Variants in SSBP3 observed in about 807,000 individuals in gnomAD.
The protein encoded by SSBP3 is single stranded DNA binding protein 3.
In SSBP3, 5 loss-of-function variants were observed where a neutral mutation model predicts 69.6. That is an observed-to-expected ratio of 0.07 (90% CI 0.04 to 0.15). The LOEUF (loss-of-function observed/expected upper bound fraction) is 0.15, where lower values mean the gene tolerates loss of function less well. SSBP3 is among the 10% of genes least tolerant of loss of function. The pLI, the probability that SSBP3 is intolerant of heterozygous loss-of-function variation, is 1.00. For synonymous variants in SSBP3, 196 were observed against 193.4 expected, an observed-to-expected ratio of 1.01 and a Z score of -0.11; for missense variants, 312 against 534.0, an observed-to-expected ratio of 0.58 and a Z score of 4.10.
intron 4 of SSBP3, among the ~76,000 whole-genome samples, chr1:54,332,399 G>C (rs1194138376): frequency 2.0e-5 from 3 of 152,150 alleles, no homozygotes; most frequent in Admixed American, 6.5e-5. Flanking sequence ...GATGATGTGG[G>C]ATCTGGAGCC....
chr1:54,332,735 G>A (rs1396396656), intron 4 of SSBP3, among the ~76,000 whole-genome samples: 1 of 150,682 alleles, frequency 6.6e-6, no homozygotes, highest in Admixed American at 6.6e-5. Context: ...GGCTTAGGGA[G>A]AAAGATAAAA....
intron 5 of SSBP3, among the ~76,000 whole-genome samples, chr1:54,269,883 G>A (rs963735343): frequency 2.0e-5 from 3 of 152,238 alleles, no homozygotes; most frequent in African/African-American, 7.2e-5. Context: ...GCACCTGACA[G>A]AGGAGAATGA....
At chr1:54,299,377 TC>T (rs1443173414) in intron 4 of SSBP3, among the ~76,000 whole-genome samples, 1 of 152,018 alleles carries the variant, frequency 6.6e-6, no homozygotes, top group East Asian at 1.9e-4. Flanking sequence ...GGTCCGATGT[TC>T]CCCTACCCTC....
At chr1:54,259,123 AC>A (rs1293929820) in intron 5 of SSBP3, among the ~76,000 whole-genome samples, 1 of 139,984 alleles carries the variant, frequency 7.1e-6, no homozygotes, top group Non-Finnish European at 1.6e-5. Flanking sequence ...GCTGACCCCC[AC>A]CCCCACCGCC....
intron 4 of SSBP3, among the ~76,000 whole-genome samples, chr1:54,380,929 G>T (rs995339865): frequency 1.3e-5 from 2 of 151,768 alleles, no homozygotes; most frequent in African/African-American, 2.4e-5. Flanking sequence ...GAGACCAGCC[G>T]GGAAAAACAC....
At chr1:54,400,488 G>A (rs1356732704) in intron 4 of SSBP3, among the ~76,000 whole-genome samples, 1 of 152,158 alleles carries the variant, frequency 6.6e-6, no homozygotes, top group Non-Finnish European at 1.5e-5. Context: ...TCATCACCAT[G>A]GGATTTTCCC....
rs144800831 is a variant in SSBP3, at chr1:54,244,185, C to A, written c.652-886G>T. ...GTGGCATGATCTCGGTTCACTGCAA[C>A]CTCCACCTCCCAGGTTCAAGCGATT... On this transcript the variant is annotated intron_variant, in intron 9 of 17. Transcript: ENST00000610401. Among the ~76,000 whole-genome samples the A allele has an allele frequency of 2.9e-3, 447 of 152,194 alleles. 4 individuals are homozygous for A. The highest frequency in any genetic ancestry group is 9.5e-3 in the African/African-American group (393 of 41,510).
At position 54,398,916 on chromosome 1, in the gene SSBP3, G is replaced by C. The variant is rs1353678759; in HGVS notation, c.276+2945C>G. Among the ~76,000 whole-genome samples, 3 of 152,120 alleles carry C rather than the reference G, an allele frequency of 2.0e-5. No homozygotes were observed. The East Asian group carries it at 5.8e-4, about 29-fold the overall frequency. On this transcript the variant is annotated intron_variant, in intron 4 of 17. Coordinates refer to ENST00000610401, the Ensembl canonical transcript of SSBP3. ...ACCCTGAGAATCTTTGGATCTCCTT[G>C]ATAGAAAACAGAAGGTCAGTCAACA...
At chr1:54,281,613 T>C in intron 4 of SSBP3, 86 bp from the exon 5 acceptor site, 1 of 1,227,928 alleles carries the variant, frequency 8.1e-7, no homozygotes, top group East Asian at 2.5e-5. Context: ...GCTCTCCCTG[T>C]CCGTCCACAT....
intron 4 of SSBP3, among the ~76,000 whole-genome samples, chr1:54,289,052 A>AC (rs1250918425): frequency 7.8e-6 from 1 of 127,706 alleles, no homozygotes; most frequent in South Asian, 2.4e-4. Flanking sequence ...AAACAAAAAA[A>AC]AAAAACAGTA....
chr1:54,368,785 A>T lies in SSBP3; in HGVS notation c.276+33076T>A, dbSNP rs1647071664. ...GAAGAGCTGGGAAAGCTGATAGACT[A>T]AAAAGCACCCTGGATATGGCAGGGA... On this transcript the variant is annotated intron_variant, in intron 4 of 17. Transcript: ENST00000610401. 3.3e-5 allele frequency among the ~76,000 whole-genome samples: 5 copies of T among 152,218 alleles called. No homozygotes were observed. The South Asian group carries it at 1.0e-3, about 32-fold the overall frequency.
In SSBP3 at chr1:54,258,658, G is replaced by C. The variant is rs1189562097; in HGVS notation, c.367-509C>G. Among the ~76,000 whole-genome samples, 2 of 152,182 alleles carry C rather than the reference G, an allele frequency of 1.3e-5. No homozygotes were observed. The highest frequency in any genetic ancestry group is 4.8e-5 in the African/African-American group (2 of 41,440). ...TGACTCGAGGCAGTACTGATCAAGT[G>C]TCAGGGAGAGGCCCAGGCGACGGGT... is the stretch of plus-strand genomic sequence containing the variant. On this transcript the variant is annotated intron_variant, in intron 5 of 17. Coordinates refer to ENST00000610401, the Ensembl canonical transcript of SSBP3. The surrounding 1 kb of genome is among the most constrained non-coding windows in gnomAD (Gnocchi z 4.5).
At chr1:54,396,906 G>A (rs1406439627) in intron 4 of SSBP3, among the ~76,000 whole-genome samples, 3 of 152,180 alleles carry the variant, frequency 2.0e-5, no homozygotes, top group Non-Finnish European at 4.4e-5. Context: ...CTGCTCGGGT[G>A]CTGGCAAAAT....
At chr1:54,369,796 C>T (rs1569961988) in intron 4 of SSBP3, among the ~76,000 whole-genome samples, 1 of 152,116 alleles carries the variant, frequency 6.6e-6, no homozygotes, top group Admixed American at 6.6e-5. Context: ...AGTCTGAGAA[C>T]GTGACCCTGT....
At chr1:54,323,088 TC>T (rs1468877782) in intron 4 of SSBP3, among the ~76,000 whole-genome samples, 1 of 152,162 alleles carries the variant, frequency 6.6e-6, no homozygotes, top group East Asian at 1.9e-4. Flanking sequence ...ATTTGGAACT[TC>T]CTGGGGTGAG....
At chr1:54,403,984 G>T (rs1379855980) in intron 3 of SSBP3, among the ~76,000 whole-genome samples, 1 of 139,260 alleles carries the variant, frequency 7.2e-6, no homozygotes, top group Non-Finnish European at 1.6e-5. Flanking sequence ...ACCAGTTAAG[G>T]TTCTGCGTAA....
intron 4 of SSBP3, among the ~76,000 whole-genome samples, chr1:54,385,995 C>T (rs1648050590): frequency 6.6e-6 from 1 of 152,218 alleles, no homozygotes; most frequent in Non-Finnish European, 1.5e-5. Flanking sequence ...TCACCCACAG[C>T]TTTAAATATT....
chr1:54,328,123 C>T (rs907346087), intron 4 of SSBP3, among the ~76,000 whole-genome samples: 7 of 152,124 alleles, frequency 4.6e-5, no homozygotes, highest in Admixed American at 3.3e-4. Flanking sequence ...CCGTCTTGAC[C>T]TCGTACCCAG....
At chr1:54,263,438 C>A (rs182480806) in intron 5 of SSBP3, among the ~76,000 whole-genome samples, 2 of 152,340 alleles carry the variant, frequency 1.3e-5, no homozygotes, top group East Asian at 3.9e-4. Context: ...CTGAGCCTCA[C>A]TGCCCTCATA....
Sources: allele counts gnomAD v4.1 joint callset (sites outside exome capture counted in the v4.1 genomes callset), GRCh38; gene constraint gnomAD v4.1.1; non-coding constraint Gnocchi (gnomAD v3.1); transcripts MANE v1.5; gene names NCBI Gene and HGNC (gene_info 2026-07-23, HGNC 2026-07-21).